Variants in FAM234B observed in about 807,000 individuals in gnomAD.
FAM234B encodes protein FAM234B.
In FAM234B, 33 loss-of-function variants were observed where a neutral mutation model predicts 69.3. The observed-to-expected ratio is 0.48, with a 90% CI of 0.36 to 0.64. FAM234B has a LOEUF of 0.64. FAM234B is among the 30% of genes least tolerant of loss of function. The probability of loss-of-function intolerance (pLI) is 0.00; values close to 1 mark genes in which losing one functional copy is unlikely to be tolerated. For missense variants in FAM234B, 697 were observed against 769.7 expected, an observed-to-expected ratio of 0.91 and a Z score of 1.12; for synonymous variants, 306 against 306.9, an observed-to-expected ratio of 1.00 and a Z score of 0.03.
chr12:13,074,047 G>C (rs1174454495), intron 10 of FAM234B, among the ~76,000 whole-genome samples: 1 of 152,050 alleles, frequency 6.6e-6, no homozygotes, highest in Admixed American at 6.5e-5. Context: ...CACCTTTTTG[G>C]CAGAATTTGT....
At chr12:13,068,225 T>A (rs190512479) in intron 7 of FAM234B, 79 bp from the exon 8 acceptor site, 132 of 1,484,242 alleles carry the variant, frequency 8.9e-5, no homozygotes, top group Admixed American at 1.3e-4. Flanking sequence ...GTACGTATAC[T>A]GAGAGAAAAA....
chr12:13,049,924 G>T (rs1249825866), intron 1 of FAM234B, among the ~76,000 whole-genome samples: 1 of 152,044 alleles, frequency 6.6e-6, no homozygotes, highest in East Asian at 1.9e-4. Context: ...TTTAAATGGG[G>T]CGGTTGTTTG....
At chr12:13,075,691 G>A (rs1371866347) in intron 10 of FAM234B, among the ~76,000 whole-genome samples, 1 of 150,010 alleles carries the variant, frequency 6.7e-6, no homozygotes, top group Non-Finnish European at 1.5e-5. Context: ...CCTGACCTCA[G>A]GTCATCTGCC....
intron 10 of FAM234B, among the ~76,000 whole-genome samples, chr12:13,074,892 G>A (rs887209879): frequency 5.3e-5 from 8 of 152,154 alleles, no homozygotes; most frequent in African/African-American, 1.9e-4. Flanking sequence ...ATCCCTCAGA[G>A]CTTCCATTTC....
At chr12:13,070,561 G>T (rs929828535) in intron 9 of FAM234B, among the ~76,000 whole-genome samples, 6 of 152,084 alleles carry the variant, frequency 3.9e-5, no homozygotes, top group Non-Finnish European at 8.8e-5. Flanking sequence ...TAAATGAGAG[G>T]CTCCAGATCT....
chr12:13,070,028 A>G (rs1187651272), intron 9 of FAM234B, among the ~76,000 whole-genome samples: 1 of 152,026 alleles, frequency 6.6e-6, no homozygotes, highest in Non-Finnish European at 1.5e-5. Flanking sequence ...TCCTGACACC[A>G]TTACTTATTG....
At position 13,079,982 on chromosome 12, in the gene FAM234B, G is replaced by A. The variant is rs775909297; in HGVS notation, c.1836G>A (p.Arg612=). The change falls in exon 12 of 13, where the codon AGG becomes AGA. Residue 612 remains arginine (R), a synonymous_variant. Coordinates refer to ENST00000197268, the MANE Select transcript of FAM234B (RefSeq NM_020853.2). The stretch of plus-strand genomic sequence containing the variant: ...GGGAGCTGCGAAGATTTCTCTCTAG[G>A]ATAAAGTTTGTTGAAGCTCCCTACG... ...GRGELRRFLS[R]IKFVEAPYEI The A allele has an allele frequency of 6.2e-7, 1 of 1,607,876 alleles. No homozygotes were observed.
chr12:13,082,915 CTT>C lies in FAM234B; in HGVS notation c.*2286_*2287del, dbSNP rs760707713. 2.0e-5 allele frequency: 3 copies of C among 152,214 alleles called. No individual in the cohort carries two copies. The highest frequency in any genetic ancestry group is 1.5e-5 in the Non-Finnish European group (1 of 68,038). 9.4% of individuals were successfully genotyped at this position (152,214 alleles called of 1,614,324 possible). A position where few individuals can be genotyped will look rare whatever the true frequency, so the allele number is the denominator to read the frequency against. ...TCTTCATGGTGTATTTGCAAACTAA[CTT>C]AACATAGATTCTTTTGACTATGGTA... On this transcript the variant is annotated 3_prime_UTR_variant, in exon 13 of 13. Coordinates refer to ENST00000197268, the MANE Select transcript of FAM234B (RefSeq NM_020853.2).
At chr12:13,065,665 T>C (rs1328933846) in intron 5 of FAM234B, among the ~76,000 whole-genome samples, 1 of 152,236 alleles carries the variant, frequency 6.6e-6, no homozygotes, top group East Asian at 1.9e-4. Context: ...TCATATGCCA[T>C]ATTAGCTATC....
intron 2 of FAM234B, 126 bp from the exon 3 acceptor site, chr12:13,058,325 G>C: frequency 4.1e-6 from 3 of 740,242 alleles, no homozygotes; most frequent in East Asian, 5.0e-5. Context: ...GGAGTAGGGA[G>C]AGGTGTGTCT....
chr12:13,071,671 T>A (rs1221187822), intron 10 of FAM234B, among the ~76,000 whole-genome samples: 1 of 152,030 alleles, frequency 6.6e-6, no homozygotes, highest in Non-Finnish European at 1.5e-5. Context: ...CCCAAGATAC[T>A]AGATCCAAAT....
At chr12:13,057,416 C>T (rs980468033) in intron 2 of FAM234B, among the ~76,000 whole-genome samples, 50 of 151,640 alleles carry the variant, frequency 3.3e-4, no homozygotes, top group African/African-American at 1.1e-3. Flanking sequence ...CATGATTTAT[C>T]CATTTTTCTG....
intron 11 of FAM234B, among the ~76,000 whole-genome samples, chr12:13,078,473 T>G (rs1473834398): frequency 6.6e-6 from 1 of 152,208 alleles, no homozygotes; most frequent in East Asian, 1.9e-4. Flanking sequence ...CTTTGAAAAC[T>G]GGCATAAGAC....
At chr12:13,065,326 A>G (rs191115493) in intron 5 of FAM234B, among the ~76,000 whole-genome samples, 336 of 152,310 alleles carry the variant, frequency 2.2e-3, no homozygotes, top group African/African-American at 7.9e-3. Context: ...AGGAAGTCCA[A>G]ACCCCTCTTT....
rs977540144 is a variant in FAM234B, at chr12:13,061,629, C to T, written c.587C>T (p.Thr196Ile). ...LVCLSGMNGS[T>I]LWSSLLPEEA... ...TGCCTTTCGGGGATGAATGGCAGCA[C>T]ACTGTGGTCTAGTCTTCTCCCTGAG... The change falls in exon 4 of 13, where the codon ACA becomes ATA. Residue 196 changes from threonine (T) to isoleucine (I), a missense_variant. Thr to Ile is a moderately conservative substitution (Grantham distance 89). Coordinates refer to ENST00000197268, the MANE Select transcript of FAM234B (RefSeq NM_020853.2). 4 of 1,613,882 alleles carry T rather than the reference C, an allele frequency of 2.5e-6. No individual in the cohort carries two copies. The African/African-American group carries it at 5.3e-5, about 22-fold the overall frequency.
At position 13,081,624 on chromosome 12, in the gene FAM234B, TC is replaced by T. The variant is rs746786936; in HGVS notation, c.*995del. 5.3e-5 allele frequency: 8 copies of T among 152,356 alleles called. No individual in the cohort carries two copies. The East Asian group carries it at 1.5e-3, about 29-fold the overall frequency. 9.4% of individuals were successfully genotyped at this position (152,356 alleles called of 1,614,324 possible). A position where few individuals can be genotyped will look rare whatever the true frequency, so the allele number is the denominator to read the frequency against. ...AGGGATATGTTTCTGGACTTTTTCT[TC>T]TGCTACTTGAGTCCAGGATGCAACC... On this transcript the variant is annotated 3_prime_UTR_variant, in exon 13 of 13. Transcript: ENST00000197268.
chr12:13,047,146 G>C (rs1864821386), intron 1 of FAM234B, among the ~76,000 whole-genome samples: 1 of 152,174 alleles, frequency 6.6e-6, no homozygotes, highest in South Asian at 2.1e-4. Context: ...TGTTATGAAA[G>C]AGCAGTTTCG....
chr12:13,051,438 T>A (rs1194106493), intron 1 of FAM234B, among the ~76,000 whole-genome samples: 1 of 152,230 alleles, frequency 6.6e-6, no homozygotes, highest in African/African-American at 2.4e-5. Context: ...CACTTGGTGC[T>A]AAAAATCCAA....
intron 10 of FAM234B, among the ~76,000 whole-genome samples, chr12:13,073,652 T>C (rs1865130389): frequency 1.3e-5 from 1 of 78,818 alleles, no homozygotes. Context: ...TTGAAAGTCC[T>C]GCTGTTGTCT....
Sources: gnomAD v4.1 joint callset for allele counts (sites outside exome capture counted in the v4.1 genomes callset) on GRCh38, gnomAD v4.1.1 for gene constraint, MANE v1.5 for transcripts, NCBI Gene and HGNC (gene_info 2026-07-23, HGNC 2026-07-21) for gene names.